The following JPH3 variants were observed in gnomAD, a reference collection of about 807,000 sequenced individuals.
JPH3 encodes the protein junctophilin 3.
In JPH3, 11 loss-of-function variants were observed where a neutral mutation model predicts 59.6. The observed-to-expected ratio is 0.18, with a 90% CI of 0.12 to 0.31. The LOEUF is 0.31. Among genes scored for constraint, JPH3 ranks in the 10% least tolerant of loss-of-function variants. The pLI is 1.00. For synonymous variants in JPH3, 673 were observed against 483.6 expected (o/e 1.39, Z -5.14); for missense variants, 1,202 against 1,105.7 (o/e 1.09, Z -1.24).
chr16:87,688,377 T>G (rs1469332192), intron 3 of JPH3, among the ~76,000 whole-genome samples: 1 of 152,192 alleles, frequency 6.6e-6, no homozygotes, highest in Non-Finnish European at 1.5e-5. Flanking sequence ...GTGCCCCGAA[T>G]CTGCTTGCTA....
chr16:87,673,302 G>C (rs886490290), intron 2 of JPH3, among the ~76,000 whole-genome samples: 1 of 132,522 alleles, frequency 7.5e-6, no homozygotes, highest in African/African-American at 3.1e-5. Flanking sequence ...GGTTTCACTT[G>C]TCTTGGGAGA....
chr16:87,636,435 C>A (rs1370704979), intron 1 of JPH3, among the ~76,000 whole-genome samples: 4 of 152,190 alleles, frequency 2.6e-5, no homozygotes, highest in African/African-American at 4.8e-5. Context: ...TCAATAGCTC[C>A]GTCACAGTGG....
At chr16:87,659,723 A>G (rs2032640150) in intron 2 of JPH3, among the ~76,000 whole-genome samples, 1 of 151,488 alleles carries the variant, frequency 6.6e-6, no homozygotes, top group Non-Finnish European at 1.5e-5. Context: ...ACAAAGCAAG[A>G]CTCCATTTCA....
chr16:87,619,023 G>A (rs1244864810), intron 1 of JPH3, among the ~76,000 whole-genome samples: 1 of 151,332 alleles, frequency 6.6e-6, no homozygotes, highest in African/African-American at 2.4e-5. Flanking sequence ...GGGAGGCAGA[G>A]GTTGCAGTGA....
At chr16:87,685,131 C>G (rs967874525) in intron 3 of JPH3, among the ~76,000 whole-genome samples, 1 of 152,224 alleles carries the variant, frequency 6.6e-6, no homozygotes, top group East Asian at 1.9e-4. Context: ...AGGAGCCCAG[C>G]CTGGGGGCTG....
In JPH3 at chr16:87,637,111, G is replaced by A. The variant is rs188977204; in HGVS notation, c.383-7147G>A. On this transcript the variant is annotated intron_variant, in intron 1 of 4. Transcript: ENST00000284262. ...TTTGACCAGCCGTTCTTTTATCTTA[G>A]GAGTCGGAAATCTTACATCTGTATT... Among the ~76,000 whole-genome samples, 243 of 152,338 alleles carry A rather than the reference G, an allele frequency of 1.6e-3. 1 individual carries two copies. The highest frequency in any genetic ancestry group is 2.7e-3 in the Admixed American group (41 of 15,314).
chr16:87,676,369 G>A (rs973728468), intron 2 of JPH3, among the ~76,000 whole-genome samples: 1 of 152,184 alleles, frequency 6.6e-6, no homozygotes, highest in African/African-American at 2.4e-5. Context: ...AAGTGGCTCT[G>A]TGACTTCAGA....
chr16:87,634,754 C>G (rs1211219870), intron 1 of JPH3, among the ~76,000 whole-genome samples: 1 of 152,218 alleles, frequency 6.6e-6, no homozygotes, highest in Non-Finnish European at 1.5e-5. Flanking sequence ...GAGGCTGTGA[C>G]CCGCCAGGGT....
chr16:87,656,161 C>T lies in JPH3; in HGVS notation c.1160+11126C>T, dbSNP rs62053790. ...CAGGAGCCCTGAGGGCGTCTCTGCC[C>T]GCCTATCTCAGAGCACACTCTGTGT... On this transcript the variant is annotated intron_variant, in intron 2 of 4. Transcript: ENST00000284262. Among the ~76,000 whole-genome samples the T allele has an allele frequency of 5.8e-3, 884 of 152,360 alleles. 5 individuals are homozygous for T. The highest frequency in any genetic ancestry group is 9.3e-3 in the Non-Finnish European group (630 of 68,040).
intron 1 of JPH3, among the ~76,000 whole-genome samples, chr16:87,633,864 T>G (rs1200632145): frequency 6.6e-6 from 1 of 152,014 alleles, no homozygotes; most frequent in Non-Finnish European, 1.5e-5. Context: ...TATAGTCTTT[T>G]CTGAGGGTAA....
chr16:87,692,184 G>C (rs776579780), intron 4 of JPH3, among the ~76,000 whole-genome samples: 67 of 130,106 alleles, frequency 5.1e-4, no homozygotes, highest in Non-Finnish European at 8.0e-4. Flanking sequence ...CCTGGTGCTG[G>C]TGCAAACAAG....
At chr16:87,676,327 T>A (rs4843669) in intron 2 of JPH3, among the ~76,000 whole-genome samples, 1 of 152,056 alleles carries the variant, frequency 6.6e-6, no homozygotes, top group Admixed American at 6.5e-5. Context: ...TTTAACAACA[T>A]CTTTTTGAAC....
chr16:87,609,541 G>A (rs1316011747), intron 1 of JPH3, among the ~76,000 whole-genome samples: 1 of 152,208 alleles, frequency 6.6e-6, no homozygotes, highest in Non-Finnish European at 1.5e-5. Context: ...TGGGATTACA[G>A]GTGTGAGCCA....
intron 4 of JPH3, 153 bp from the exon 5 acceptor site, chr16:87,696,422 TGGTGG>T (rs2033857542): frequency 3.1e-6 from 2 of 638,616 alleles, no homozygotes; most frequent in African/African-American, 1.8e-5. Context: ...GCTCAGGTTC[TGGTGG>T]GCCTTTGGTG....
intron 1 of JPH3, among the ~76,000 whole-genome samples, chr16:87,630,056 G>T (rs1337942777): frequency 2.0e-5 from 3 of 152,130 alleles, no homozygotes; most frequent in Non-Finnish European, 4.4e-5. Flanking sequence ...TCAAAACATT[G>T]CCCAGAGTCC....
At chr16:87,622,401 G>A (rs910674341) in intron 1 of JPH3, among the ~76,000 whole-genome samples, 3 of 152,234 alleles carry the variant, frequency 2.0e-5, no homozygotes, top group Non-Finnish European at 4.4e-5. Flanking sequence ...GCTGACCTTT[G>A]GCGGTGGGAG....
At chr16:87,658,138 C>T (rs1432742636) in intron 2 of JPH3, among the ~76,000 whole-genome samples, 3 of 152,162 alleles carry the variant, frequency 2.0e-5, no homozygotes, top group Admixed American at 6.5e-5. Context: ...ATGGGCCCAA[C>T]ACCAACCTGG....
At position 87,603,438 on chromosome 16, in the gene JPH3, C is replaced by T. The variant is rs1286432278; in HGVS notation, c.292C>T (p.Arg98Trp). Residue 98 changes from arginine to tryptophan, a missense_variant, in exon 1 of 5, where the codon CGG becomes TGG. Coordinates refer to ENST00000284262, the MANE Select transcript of JPH3 (RefSeq NM_020655.4). ...THGFKGRYGV[R>W]ECAGNGAKYE... Reference sequence around the variant, plus strand: ...CGGATTCAAGGGGCGCTACGGGGTGCGGGAGTGCGCGGGCAACGGGGCCAA... The same window carrying T: ...CGGATTCAAGGGGCGCTACGGGGTGTGGGAGTGCGCGGGCAACGGGGCCAA... The T allele has an allele frequency of 6.4e-7, 1 of 1,569,424 alleles. No individual in the cohort carries two copies. The highest frequency in any genetic ancestry group is 8.6e-7 in the Non-Finnish European group (1 of 1,158,012).
rs1354448370 is a variant in JPH3 at position 87,659,374 on chromosome 16, C to CAAAAAAAAAAAAAAAAAAAAAAAA, written c.1160+14351_1160+14352insAAAAAAAAAAAAAAAAAAAAAAAA. Among the ~76,000 whole-genome samples the CAAAAAAAAAAAAAAAAAAAAAAAA allele has an allele frequency of 5.2e-4, 39 of 74,522 alleles. 3 individuals carry two copies. The highest frequency in any genetic ancestry group is 1.1e-3 in the East Asian group (3 of 2,766). The allele number at this position is 74,522 out of a possible 152,430, so 48.9% of individuals were successfully genotyped here. Reference sequence around the variant, plus strand: ...CCTGGGTGACAGAGTAAGACTGTCTCAAAAAAAAAAAAGAAAAAAAAAAAG... The same window carrying CAAAAAAAAAAAAAAAAAAAAAAAA: ...CCTGGGTGACAGAGTAAGACTGTCTCAAAAAAAAAAAAAAAAAAAAAAAAAAAAAAAAAAAAGAAAAAAAAAAAG... On this transcript the variant is annotated intron_variant, in intron 2 of 4. Coordinates refer to ENST00000284262, the MANE Select transcript of JPH3 (RefSeq NM_020655.4).
Sources: gnomAD v4.1 joint callset for allele counts (sites outside exome capture counted in the v4.1 genomes callset) on GRCh38, gnomAD v4.1.1 for gene constraint, MANE v1.5 for transcripts, NCBI Gene and HGNC (gene_info 2026-07-23, HGNC 2026-07-21) for gene names.